SEL1L: variants seen among roughly 807,000 people sequenced by gnomAD.
SEL1L encodes the protein protein sel-1 homolog 1.
Under a neutral mutation model 109.8 loss-of-function variants are expected in SEL1L, and 52 were observed. The observed-to-expected ratio is 0.47, with a 90% CI of 0.38 to 0.60. SEL1L has a LOEUF of 0.60. Ranked by LOEUF, SEL1L falls within the 20% of genes least tolerant of loss-of-function variation. The pLI, the probability that SEL1L is intolerant of heterozygous loss-of-function variation, is 0.00. For synonymous variants in SEL1L, 373 were observed against 339.6 expected (o/e 1.10, Z -1.08); for missense variants, 749 against 962.2 (o/e 0.78, Z 2.93).
intron 3 of SEL1L, among the ~76,000 whole-genome samples, chr14:81,522,415 AT>A (rs1342006986): frequency 6.6e-6 from 1 of 152,118 alleles, no homozygotes; most frequent in East Asian, 1.9e-4. Flanking sequence ...TTTATACCAT[AT>A]TTTTATGTGC....
At position 81,486,101 on chromosome 14, in the gene SEL1L, A is replaced by G. The variant is rs534693147; in HGVS notation, c.1798+188T>C. Among the ~76,000 whole-genome samples the G allele has an allele frequency of 2.6e-5, 4 of 152,358 alleles. No homozygotes were observed. In the South Asian group the frequency reaches 8.3e-4, roughly 32 times the overall value. On this transcript the variant is annotated intron_variant, in intron 17 of 20. Transcript: ENST00000336735. ...AAATGAATGTCAAATCCATTTCTAC[A>G]GTCAACTCGTTATAAAACTAACTTT...
intron 6 of SEL1L, 123 bp from the exon 7 acceptor site, chr14:81,499,785 G>T: frequency 1.6e-6 from 1 of 620,524 alleles, no homozygotes; most frequent in Non-Finnish European, 2.6e-6. Flanking sequence ...TAAAAGATTT[G>T]AATTCAAGTA....
chr14:81,508,793 A>T (rs898569933), intron 3 of SEL1L, among the ~76,000 whole-genome samples: 3 of 152,244 alleles, frequency 2.0e-5, no homozygotes, highest in Non-Finnish European at 2.9e-5. Context: ...GATAATAGAA[A>T]TCTTTGTCTT....
intron 3 of SEL1L, among the ~76,000 whole-genome samples, chr14:81,523,581 T>A (rs80336066): frequency 2.0e-5 from 3 of 152,206 alleles, no homozygotes; most frequent in Non-Finnish European, 2.9e-5. Context: ...AGCAAATTAA[T>A]TGAACCCAAG....
At chr14:81,498,373 AT>A (rs746557618) in intron 9 of SEL1L, 39 bp downstream of exon 9, 260 of 1,451,474 alleles carry the variant, frequency 1.8e-4, no homozygotes, top group South Asian at 1.9e-4. Context: ...AATTCCATTT[AT>A]TTTTTTTTCC....
At chr14:81,486,591 A>C (rs1651292376) in intron 16 of SEL1L, 137 bp from the exon 17 acceptor site, 1 of 719,826 alleles carries the variant, frequency 1.4e-6, no homozygotes, top group African/African-American at 1.8e-5. Context: ...AACAGACATA[A>C]AAGTTTGAGA....
intron 17 of SEL1L, 112 bp from the exon 18 acceptor site, chr14:81,485,858 G>A: frequency 1.2e-6 from 1 of 853,124 alleles, no homozygotes; most frequent in Admixed American, 2.4e-5. Context: ...CAAGAATTAG[G>A]ATATAAAAAT....
chr14:81,495,616 C>A (rs1487530543), intron 10 of SEL1L, among the ~76,000 whole-genome samples: 1 of 151,658 alleles, frequency 6.6e-6, no homozygotes, highest in Non-Finnish European at 1.5e-5. Flanking sequence ...CCAGCCTGGG[C>A]GACAGAGAGA....
chr14:81,486,611 A>G (rs569635583), intron 16 of SEL1L, among the ~76,000 whole-genome samples, 157 bp from the exon 17 acceptor site: 1 of 152,262 alleles, frequency 6.6e-6, no homozygotes, highest in Admixed American at 6.5e-5. Flanking sequence ...ATACTTATTT[A>G]AAGTTTTCAC....
intron 3 of SEL1L, among the ~76,000 whole-genome samples, chr14:81,520,794 T>TATGTAGGC (rs1201730854): frequency 6.6e-6 from 1 of 152,216 alleles, no homozygotes; most frequent in African/African-American, 2.4e-5. Flanking sequence ...ACCTGGGATG[T>TATGTAGGC]ATGTAGGCAT....
intron 19 of SEL1L, among the ~76,000 whole-genome samples, chr14:81,480,100 CA>C (rs1903300016): frequency 6.6e-6 from 1 of 152,158 alleles, no homozygotes; most frequent in Admixed American, 6.6e-5. Flanking sequence ...TCAGTATTAG[CA>C]ACGTCTGGTT....
chr14:81,483,348 C>A (rs1055104843), intron 19 of SEL1L, among the ~76,000 whole-genome samples: 2 of 152,144 alleles, frequency 1.3e-5, no homozygotes, highest in African/African-American at 2.4e-5. Flanking sequence ...CATTAACTGA[C>A]CAACTGTGAC....
intron 10 of SEL1L, among the ~76,000 whole-genome samples, chr14:81,497,072 G>A (rs1413168983): frequency 6.6e-6 from 1 of 152,092 alleles, no homozygotes; most frequent in East Asian, 1.9e-4. Flanking sequence ...AAGATACACA[G>A]AAAGCAAGTA....
chr14:81,490,932 G>T (rs1883517330), intron 12 of SEL1L, among the ~76,000 whole-genome samples: 1 of 152,008 alleles, frequency 6.6e-6, no homozygotes, highest in Non-Finnish European at 1.5e-5. Context: ...AAAAACAAAA[G>T]AATTAAAAGC....
chr14:81,489,720 CATAATCATGTA>C (rs1166854565), intron 13 of SEL1L, among the ~76,000 whole-genome samples: 1 of 152,024 alleles, frequency 6.6e-6, no homozygotes, highest in Non-Finnish European at 1.5e-5. Context: ...GTAATAATAG[CATAATCATGTA>C]ATAATAGCAA....
intron 8 of SEL1L, chr14:81,498,983 A>G: frequency 2.3e-6 from 1 of 441,714 alleles, no homozygotes; most frequent in Non-Finnish European, 3.0e-6. Flanking sequence ...TAAAAAACAG[A>G]AAGTAGAGCT....
intron 11 of SEL1L, among the ~76,000 whole-genome samples, chr14:81,492,827 T>TG (rs1179483314): frequency 6.6e-6 from 1 of 152,228 alleles, no homozygotes; most frequent in African/African-American, 2.4e-5. Context: ...ACAAGCCTCC[T>TG]GTTACTTACA....
chr14:81,531,853 T>A (rs1175792151), intron 1 of SEL1L, among the ~76,000 whole-genome samples: 2 of 150,690 alleles, frequency 1.3e-5, no homozygotes, highest in African/African-American at 5.0e-5. Context: ...TGTTTTATGA[T>A]ATATGAACTT....
chr14:81,518,877 A>G (rs1370765739), intron 3 of SEL1L, among the ~76,000 whole-genome samples: 1 of 152,134 alleles, frequency 6.6e-6, no homozygotes, highest in African/African-American at 2.4e-5. Context: ...TGCCTTGGCC[A>G]ATGACCTAGG....
Sources: gnomAD v4.1 joint callset for allele counts (sites outside exome capture counted in the v4.1 genomes callset) on GRCh38, gnomAD v4.1.1 for gene constraint, MANE v1.5 for transcripts, NCBI Gene and HGNC (gene_info 2026-07-23, HGNC 2026-07-21) for gene names.